Variants in VAC14 observed in about 807,000 individuals in gnomAD.
VAC14 encodes the protein protein VAC14 homolog.
VAC14 carries 47 observed loss-of-function variants against 85.3 expected under a neutral mutation model. The observed-to-expected ratio is 0.55, with a 90% CI of 0.44 to 0.70. The LOEUF is 0.70. Among genes scored for constraint, VAC14 ranks in the 30% least tolerant of loss-of-function variants. VAC14 has a pLI of 0.00. For missense variants in VAC14, 861 were observed against 1,004.3 expected, an observed-to-expected ratio of 0.86 and a Z score of 1.93; for synonymous variants, 447 against 430.5, an observed-to-expected ratio of 1.04 and a Z score of -0.47.
At chr16:70,702,630 C>T (rs2053851315) in intron 14 of VAC14, among the ~76,000 whole-genome samples, 1 of 152,186 alleles carries the variant, frequency 6.6e-6, no homozygotes, top group Admixed American at 6.5e-5. Flanking sequence ...AGAAGGAAAA[C>T]CCAGATCACT....
At chr16:70,781,003 G>A in intron 8 of VAC14, 64 bp from the exon 9 acceptor site, 1 of 1,596,464 alleles carries the variant, frequency 6.3e-7, no homozygotes, top group African/African-American at 1.3e-5. Context: ...ATCTCTTGCT[G>A]AAATGTGATT....
At chr16:70,695,780 T>G in intron 16 of VAC14, 157 bp from the exon 17 acceptor site, 7 of 620,890 alleles carry the variant, frequency 1.1e-5, no homozygotes, top group Admixed American at 2.7e-5. Flanking sequence ...CTCTTCCCTG[T>G]TCCTCGCCTT....
At chr16:70,725,693 C>T (rs920461515) in intron 14 of VAC14, among the ~76,000 whole-genome samples, 2 of 152,174 alleles carry the variant, frequency 1.3e-5, no homozygotes, top group African/African-American at 2.4e-5. Context: ...CAGAATGAAC[C>T]GGAAGCCTTG....
intron 18 of VAC14, 96 bp downstream of exon 18, chr16:70,692,725 G>A: frequency 1.3e-6 from 2 of 1,488,414 alleles, no homozygotes; most frequent in Middle Eastern, 2.4e-4. Context: ...AGTGAGGGAG[G>A]CCTCAGCAGC....
At chr16:70,721,241 G>T (rs17307464) in intron 14 of VAC14, among the ~76,000 whole-genome samples, 2 of 151,686 alleles carry the variant, frequency 1.3e-5, no homozygotes, top group Non-Finnish European at 2.9e-5. Flanking sequence ...CAGAAAGGAC[G>T]TATAGATTGA....
At chr16:70,761,760 A>C (rs1359884931) in intron 12 of VAC14, among the ~76,000 whole-genome samples, 3 of 152,194 alleles carry the variant, frequency 2.0e-5, no homozygotes, top group African/African-American at 4.8e-5. Flanking sequence ...TGGTGGCCCC[A>C]AAAAGGCAAA....
At chr16:70,792,792 G>GC (rs2034394646) in intron 1 of VAC14, among the ~76,000 whole-genome samples, 1 of 152,138 alleles carries the variant, frequency 6.6e-6, no homozygotes, top group African/African-American at 2.4e-5. Context: ...AGTGACAGTC[G>GC]CAAGAGACTG....
intron 13 of VAC14, among the ~76,000 whole-genome samples, chr16:70,742,938 A>G (rs959566283): frequency 1.3e-5 from 2 of 152,234 alleles, no homozygotes; most frequent in Middle Eastern, 3.2e-3. Flanking sequence ...AAACACACCA[A>G]TCAGTGCTCT....
At chr16:70,761,217 C>G (rs1164091042) in intron 12 of VAC14, 1 of 455,874 alleles carries the variant, frequency 2.2e-6, no homozygotes, top group African/African-American at 2.0e-5. Context: ...AAGCCTGGCA[C>G]CAGCCCAGGG....
intron 12 of VAC14, among the ~76,000 whole-genome samples, chr16:70,746,402 C>A (rs1385838943): frequency 6.6e-6 from 1 of 152,222 alleles, no homozygotes; most frequent in Non-Finnish European, 1.5e-5. Context: ...GCCCCTGGGA[C>A]CCTGCTCTGT....
Position 70,785,689 on chromosome 16 carries a change from G to C in VAC14, c.423+13C>G, listed in dbSNP as rs1243878736. On this transcript the variant is annotated intron_variant, in intron 3 of 18. Coordinates refer to ENST00000261776, the MANE Select transcript of VAC14 (RefSeq NM_018052.5). ...AAGCGCAGCTCAGTGAGGAGGAGGA[G>C]GAGGGCGGTTACCTTGCTCAGCCCG... The C allele has an allele frequency of 1.3e-6, 2 of 1,548,102 alleles. No individual in the cohort carries two copies. The highest frequency in any genetic ancestry group is 1.7e-6 in the Non-Finnish European group (2 of 1,144,538).
At chr16:70,736,283 C>T (rs2054749305) in intron 13 of VAC14, among the ~76,000 whole-genome samples, 1 of 152,230 alleles carries the variant, frequency 6.6e-6, no homozygotes, top group South Asian at 2.1e-4. Context: ...AGTCTGCACT[C>T]AGTACACGGG....
At chr16:70,746,137 C>G (rs185658553) in intron 12 of VAC14, among the ~76,000 whole-genome samples, 9 of 152,232 alleles carry the variant, frequency 5.9e-5, no homozygotes, top group Non-Finnish European at 1.2e-4. Context: ...GTGCCTCCCC[C>G]ACACTGCCCA....
In VAC14 at chr16:70,766,158, A is replaced by C. The variant is rs541781705; in HGVS notation, c.1161-3133T>G. ...CAGAGCAAGACCCTGTCCCAAAAGA[A>C]AAAAAAAAAAAAAAGAAAAACAAGG... On this transcript the variant is annotated intron_variant, in intron 10 of 18. Transcript: ENST00000261776. 2.3e-3 allele frequency among the ~76,000 whole-genome samples: 251 copies of C among 109,766 alleles called. 2 individuals are homozygous for C. The highest frequency in any genetic ancestry group is 0.013 in the African/African-American group (242 of 18,898). The allele number at this position is 109,766 out of a possible 152,430, so 72.0% of individuals were successfully genotyped here. A position where few individuals can be genotyped will look rare whatever the true frequency, so the allele number is the denominator to read the frequency against.
At chr16:70,719,269 A>G (rs1010626540) in intron 14 of VAC14, among the ~76,000 whole-genome samples, 1 of 152,222 alleles carries the variant, frequency 6.6e-6, no homozygotes, top group Non-Finnish European at 1.5e-5. Flanking sequence ...CGGAACAATC[A>G]TCACTCAGAA....
intron 14 of VAC14, among the ~76,000 whole-genome samples, chr16:70,725,222 T>C (rs113877225): frequency 0.017 from 2,633 of 151,448 alleles, 71 homozygotes; most frequent in African/African-American, 0.06. Context: ...GAGGAGGGGG[T>C]CCCGATGCCA....
chr16:70,781,717 C>T, intron 8 of VAC14, 152 bp downstream of exon 8: 1 of 1,126,020 alleles, frequency 8.9e-7, no homozygotes, highest in Non-Finnish European at 1.2e-6. Context: ...TTTCCTAATC[C>T]ACGTTTGGCT....
At chr16:70,795,061 A>T (rs1348981260) in intron 1 of VAC14, among the ~76,000 whole-genome samples, 3 of 152,230 alleles carry the variant, frequency 2.0e-5, no homozygotes, top group African/African-American at 7.2e-5. Flanking sequence ...ACTAGGGACA[A>T]TAGGCTCTAC....
At chr16:70,745,524 TGTGCGCGC>T (rs2030805631) in intron 12 of VAC14, among the ~76,000 whole-genome samples, 1 of 139,706 alleles carries the variant, frequency 7.2e-6, no homozygotes, top group Admixed American at 7.0e-5. Context: ...TGTGTGCGCG[TGTGCGCGC>T]GTGTGCCTGT....
Sources: gnomAD v4.1 joint callset for allele counts (sites outside exome capture counted in the v4.1 genomes callset) on GRCh38, gnomAD v4.1.1 for gene constraint, MANE v1.5 for transcripts, NCBI Gene and HGNC (gene_info 2026-07-23, HGNC 2026-07-21) for gene names.